Variants in RCAN2 observed in about 807,000 individuals in gnomAD.
The protein encoded by RCAN2 is calcipressin-2.
A neutral mutation model predicts 23.6 loss-of-function variants in RCAN2; 9 were observed. The ratio of observed to expected loss-of-function variants is 0.38; its 90% CI spans 0.23 to 0.67. RCAN2 has a LOEUF of 0.67. Among genes scored for constraint, RCAN2 ranks in the 30% least tolerant of loss-of-function variants. RCAN2 has a pLI of 0.51. For synonymous variants in RCAN2, 109 were observed against 115.7 expected, an observed-to-expected ratio of 0.94 and a Z score of 0.37; for missense variants, 273 against 302.3, an observed-to-expected ratio of 0.90 and a Z score of 0.72.
rs550761585 is a variant in RCAN2 at position 46,371,815 on chromosome 6, G to A, written c.225+84937C>T. Reference sequence around the variant, plus strand: ...GGCTTTCTTAGGAAGAAAGGAGATCGAAGGGTGGGCAACCAACAATGCCCA... The same window carrying A: ...GGCTTTCTTAGGAAGAAAGGAGATCAAAGGGTGGGCAACCAACAATGCCCA... On this transcript the variant is annotated intron_variant, in intron 2 of 4. Coordinates refer to ENST00000371374, the MANE Select transcript of RCAN2 (RefSeq NM_001251974.2). Among the ~76,000 whole-genome samples the A allele has an allele frequency of 1.4e-4, 21 of 152,324 alleles. No individual in the cohort carries two copies. In the South Asian group the frequency reaches 3.9e-3, roughly 29 times the overall value.
chr6:46,339,144 G>GT (rs757635693), intron 2 of RCAN2, among the ~76,000 whole-genome samples: 1 of 150,698 alleles, frequency 6.6e-6, no homozygotes, highest in East Asian at 2.0e-4. Context: ...TATGTTCCCA[G>GT]TATCAACCTA....
intron 4 of RCAN2, 146 bp from the exon 5 acceptor site, chr6:46,223,447 C>T: frequency 1.4e-6 from 1 of 713,234 alleles, no homozygotes; most frequent in South Asian, 1.9e-5. Context: ...AGGGTGTTGG[C>T]AAGTGGAAAG....
At chr6:46,261,578 C>A (rs1767108596) in intron 2 of RCAN2, among the ~76,000 whole-genome samples, 1 of 152,076 alleles carries the variant, frequency 6.6e-6, no homozygotes, top group Non-Finnish European at 1.5e-5. Context: ...TCCAAATATC[C>A]CTATATCCGG....
intron 2 of RCAN2, among the ~76,000 whole-genome samples, chr6:46,337,956 G>T (rs1764193778): frequency 6.6e-6 from 1 of 152,136 alleles, no homozygotes; most frequent in South Asian, 2.1e-4. Context: ...GTGAGGAGTG[G>T]TATCAGTTTT....
chr6:46,288,346 T>C (rs1762436689), intron 2 of RCAN2, among the ~76,000 whole-genome samples: 1 of 152,240 alleles, frequency 6.6e-6, no homozygotes, highest in Non-Finnish European at 1.5e-5. Context: ...TCCTTCCCGT[T>C]AAGGAATCCC....
At chr6:46,321,526 T>C (rs1763617070) in intron 2 of RCAN2, among the ~76,000 whole-genome samples, 1 of 152,252 alleles carries the variant, frequency 6.6e-6, no homozygotes, top group Admixed American at 6.5e-5. Context: ...GTGAATTCCT[T>C]GTGTCCTACA....
At chr6:46,483,814 A>T (rs184888815) in intron 1 of RCAN2, among the ~76,000 whole-genome samples, 103 of 152,366 alleles carry the variant, frequency 6.8e-4, no homozygotes, top group Non-Finnish European at 9.7e-4. Context: ...TAAAAGATCA[A>T]ATAAATATTA....
intron 2 of RCAN2, among the ~76,000 whole-genome samples, chr6:46,333,877 G>A (rs1764061757): frequency 6.6e-6 from 1 of 152,152 alleles, no homozygotes; most frequent in Admixed American, 6.5e-5. Context: ...ACACACACTA[G>A]AGACCTCAAT....
chr6:46,426,282 A>C (rs1301655259), intron 2 of RCAN2, among the ~76,000 whole-genome samples: 1 of 152,146 alleles, frequency 6.6e-6, no homozygotes, highest in Non-Finnish European at 1.5e-5. Flanking sequence ...TTAAATGAAT[A>C]TTTTCGCAGA....
chr6:46,243,407 A>G (rs1766377878), intron 4 of RCAN2, among the ~76,000 whole-genome samples: 3 of 152,218 alleles, frequency 2.0e-5, no homozygotes, highest in Admixed American at 1.3e-4. Flanking sequence ...ATACTTAAAA[A>G]TCAGGAAACT....
intron 2 of RCAN2, among the ~76,000 whole-genome samples, chr6:46,367,024 T>G (rs1364131163): frequency 1.2e-4 from 9 of 74,316 alleles, no homozygotes; most frequent in African/African-American, 3.2e-4. Context: ...CTGGGATGGA[T>G]ATATATATAT....
intron 2 of RCAN2, among the ~76,000 whole-genome samples, chr6:46,375,421 A>G (rs531402334): frequency 2.0e-5 from 3 of 152,340 alleles, no homozygotes; most frequent in Non-Finnish European, 4.4e-5. Context: ...AGATATGATC[A>G]TGGTATTCCC....
intron 2 of RCAN2, among the ~76,000 whole-genome samples, chr6:46,405,267 C>T (rs1226782607): frequency 6.6e-6 from 1 of 152,038 alleles, no homozygotes; most frequent in Non-Finnish European, 1.5e-5. Context: ...ATAAAAGCAG[C>T]GTGGACCCAA....
chr6:46,420,189 C>T (rs1007526170), intron 2 of RCAN2, among the ~76,000 whole-genome samples: 28 of 150,822 alleles, frequency 1.9e-4, no homozygotes, highest in Admixed American at 5.3e-4. Flanking sequence ...AAAAACAAAA[C>T]CTGAAAGACT....
At chr6:46,455,864 A>AG (rs1554142602) in intron 2 of RCAN2, among the ~76,000 whole-genome samples, 1 of 151,014 alleles carries the variant, frequency 6.6e-6, no homozygotes, top group Non-Finnish European at 1.5e-5. Context: ...TAAAAAAAAA[A>AG]AAAGAAAGAA....
intron 2 of RCAN2, among the ~76,000 whole-genome samples, chr6:46,402,025 T>A (rs1303531642): frequency 2.0e-5 from 3 of 151,904 alleles, no homozygotes; most frequent in Non-Finnish European, 4.4e-5. Flanking sequence ...CTGAGATGCA[T>A]GTAGAAGTAC....
At chr6:46,470,284 A>G (rs1342607659) in intron 1 of RCAN2, among the ~76,000 whole-genome samples, 1 of 152,198 alleles carries the variant, frequency 6.6e-6, no homozygotes, top group Non-Finnish European at 1.5e-5. Flanking sequence ...AGCTATTTAT[A>G]TTAGAGGAGA....
intron 2 of RCAN2, among the ~76,000 whole-genome samples, chr6:46,418,180 C>T (rs1042907434): frequency 5.3e-5 from 8 of 151,832 alleles, no homozygotes; most frequent in Admixed American, 3.3e-4. Context: ...AGGTATCTAA[C>T]GTCCATTATA....
intron 2 of RCAN2, among the ~76,000 whole-genome samples, chr6:46,303,406 C>G (rs1367031487): frequency 2.0e-5 from 3 of 152,030 alleles, no homozygotes; most frequent in East Asian, 3.9e-4. Flanking sequence ...AATTTGAAGG[C>G]CAGGTATCTT....
Sources: allele counts gnomAD v4.1 joint callset (sites outside exome capture counted in the v4.1 genomes callset), GRCh38; gene constraint gnomAD v4.1.1; transcripts MANE v1.5; gene names NCBI Gene and HGNC (gene_info 2026-07-23, HGNC 2026-07-21).